Variants in BBS5 observed in about 807,000 individuals in gnomAD.
BBS5 encodes Bardet-Biedl syndrome 5.
In BBS5, 39 loss-of-function variants were observed where a neutral mutation model predicts 50.2. The ratio of observed to expected loss-of-function variants is 0.78; its 90% CI spans 0.60 to 1.01. The LOEUF is 1.01. BBS5 is among the 50% of genes least tolerant of loss of function. The pLI, the probability that BBS5 is intolerant of heterozygous loss-of-function variation, is 0.00. For synonymous variants in BBS5, 134 were observed against 133.1 expected, an observed-to-expected ratio of 1.01 and a Z score of -0.05; for missense variants, 356 against 401.5, an observed-to-expected ratio of 0.89 and a Z score of 0.97.
chr2:169,497,554 T>G (rs1683714804), intron 7 of BBS5, 73 bp from the exon 8 acceptor site: 1 of 934,412 alleles, frequency 1.1e-6, no homozygotes, highest in Admixed American at 1.8e-5. Flanking sequence ...GTGTAAAGTT[T>G]AAAAACTGAG....
Position 169,479,522 on chromosome 2 carries a change from G to A in BBS5, c.-32G>A, listed in dbSNP as rs755016995. ...GAGACGCAGCTAGGCCTGCACGGCT[G>A]TGGAGAGATCCTGCCACGGGCCTTG... On this transcript the variant is annotated 5_prime_UTR_variant, in exon 1 of 12. The change creates a new upstream start codon in the 5' untranslated region. Coordinates refer to ENST00000295240, the MANE Select transcript of BBS5 (RefSeq NM_152384.3). 1 of 1,613,652 alleles carries A rather than the reference G, an allele frequency of 6.2e-7. No individual in the cohort carries two copies. The highest frequency in any genetic ancestry group is 2.2e-5 in the East Asian group (1 of 44,870).
At chr2:169,484,340 G>A (rs895397762) in intron 2 of BBS5, among the ~76,000 whole-genome samples, 3 of 152,134 alleles carry the variant, frequency 2.0e-5, no homozygotes, top group Non-Finnish European at 4.4e-5. Flanking sequence ...CCATGTTCAT[G>A]CCACTGCACT....
At chr2:169,494,944 T>C (rs571538379) in intron 7 of BBS5, among the ~76,000 whole-genome samples, 1 of 152,198 alleles carries the variant, frequency 6.6e-6, no homozygotes, top group Non-Finnish European at 1.5e-5. Flanking sequence ...AGAATAATTC[T>C]TTGCAAAATA....
In BBS5 at chr2:169,505,826, TG is replaced by T. The variant is rs541406715; in HGVS notation, c.*1251del. 8 of 155,694 alleles carry T rather than the reference TG, an allele frequency of 5.1e-5. No homozygotes were observed. The highest frequency in any genetic ancestry group is 1.1e-4 in the Non-Finnish European group (8 of 74,974). 9.6% of individuals were successfully genotyped at this position (155,694 alleles called of 1,614,324 possible). On this transcript the variant is annotated 3_prime_UTR_variant, in exon 12 of 12. Coordinates refer to ENST00000295240, the MANE Select transcript of BBS5 (RefSeq NM_152384.3). ...GCAGCCACCCAGTCCGGGAGGGAGG[TG>T]GGGGGGTCAGTCCCCCGTCCGGCCA...
chr2:169,493,854 G>A lies in BBS5; in HGVS notation c.618+18G>A. ...TGCAAATTGTAAGTACATACATTTT[G>A]ATGACCTTATTTTAATGTAAAATAA... On this transcript the variant is annotated intron_variant, in intron 7 of 11. Transcript: ENST00000295240. 1 of 1,474,130 alleles carries A rather than the reference G, an allele frequency of 6.8e-7. No homozygotes were observed. The highest frequency in any genetic ancestry group is 9.5e-7 in the Non-Finnish European group (1 of 1,054,144). The allele number at this position is 1,474,130 out of a possible 1,614,324, so 91.3% of individuals were successfully genotyped here. A position where few individuals can be genotyped will look rare whatever the true frequency, so the allele number is the denominator to read the frequency against.
At chr2:169,489,200 T>C (rs906299751) in intron 5 of BBS5, among the ~76,000 whole-genome samples, 1 of 151,990 alleles carries the variant, frequency 6.6e-6, no homozygotes. Context: ...GTGGCGCACG[T>C]CTGTAATCCC....
Position 169,487,103 on chromosome 2 carries a change from G to T in BBS5, c.177G>T (p.Trp59Cys), listed in dbSNP as rs767221160. 6.2e-7 allele frequency: 1 copy of T among 1,611,490 alleles called. No homozygotes were observed. Among genetic ancestry groups the T allele is most frequent in the Non-Finnish European group, 8.5e-7 (1 of 1,178,188 alleles). Residue 59 changes from tryptophan to cysteine, a missense_variant, in exon 3 of 12, where the codon TGG (tryptophan) becomes TGT (cysteine). Trp to Cys is a radical substitution (Grantham distance 215). Coordinates refer to ENST00000295240, the MANE Select transcript of BBS5 (RefSeq NM_152384.3). ...TGGTAACAAATTTAAGAATTCTCTG[G>T]CACTCTTTGGCATTATCAAGAGTCA... is the stretch of plus-strand genomic sequence containing the variant. The part of the protein sequence containing the change: ...RLLVTNLRIL[W>C]HSLALSRVNV...
intron 8 of BBS5, chr2:169,499,006 C>T: frequency 6.0e-6 from 1 of 165,912 alleles, no homozygotes; most frequent in South Asian, 1.6e-4. Context: ...AGTTTCTTTC[C>T]TAATTCTTCA....
rs115099722 is a variant in BBS5, at chr2:169,484,879, A to C, written c.143-2190A>C. On this transcript the variant is annotated intron_variant, in intron 2 of 11. Coordinates refer to ENST00000295240, the MANE Select transcript of BBS5 (RefSeq NM_152384.3). ...TTCAGTGTTTGGGAGATTAGTAGAA[A>C]CAGGGACAACTATACTTTGGTATTA... Among the ~76,000 whole-genome samples, 1,031 of 152,360 alleles carry C rather than the reference A, an allele frequency of 6.8e-3. 7 individuals carry two copies. The highest frequency in any genetic ancestry group is 0.023 in the African/African-American group (973 of 41,580).
intron 5 of BBS5, among the ~76,000 whole-genome samples, chr2:169,489,288 C>G (rs1683546572): frequency 6.6e-6 from 1 of 151,906 alleles, no homozygotes; most frequent in Admixed American, 6.6e-5. Flanking sequence ...TGGTGAAACC[C>G]TGCCTCTACT....
intron 3 of BBS5, 75 bp downstream of exon 3, chr2:169,487,209 C>A: frequency 1.1e-6 from 1 of 934,264 alleles, no homozygotes; most frequent in Non-Finnish European, 1.8e-6. Flanking sequence ...CCTTTGATAC[C>A]AAAGAAGTAT....
chr2:169,489,318 C>A (rs1683547818), intron 5 of BBS5, among the ~76,000 whole-genome samples: 1 of 151,870 alleles, frequency 6.6e-6, no homozygotes, highest in African/African-American at 2.4e-5. Flanking sequence ...AAAAAATTAG[C>A]TGAGCATGGT....
intron 8 of BBS5, among the ~76,000 whole-genome samples, chr2:169,498,052 C>CT (rs771380124): frequency 6.6e-6 from 1 of 152,162 alleles, no homozygotes; most frequent in Non-Finnish European, 1.5e-5. Flanking sequence ...AGTTAGGAAC[C>CT]TTGACCATGA....
intron 5 of BBS5, among the ~76,000 whole-genome samples, chr2:169,489,926 G>C (rs1683562578): frequency 8.1e-6 from 1 of 122,770 alleles, no homozygotes; most frequent in African/African-American, 3.3e-5. Flanking sequence ...CCCAGGCTGG[G>C]GTGCAGCTGC....
intron 9 of BBS5, among the ~76,000 whole-genome samples, chr2:169,501,450 C>T (rs1179700787): frequency 6.6e-6 from 1 of 152,158 alleles, no homozygotes; most frequent in Admixed American, 6.5e-5. Context: ...ATAGGGCTAG[C>T]CACGGTGGCT....
At chr2:169,504,016 G>A (rs192760273) in intron 10 of BBS5, among the ~76,000 whole-genome samples, 1 of 151,598 alleles carries the variant, frequency 6.6e-6, no homozygotes, top group Non-Finnish European at 1.5e-5. Flanking sequence ...CCTGTTTCTT[G>A]CCACATGATG....
chr2:169,494,411 G>T (rs1683657178), intron 7 of BBS5, among the ~76,000 whole-genome samples: 1 of 152,148 alleles, frequency 6.6e-6, no homozygotes, highest in Non-Finnish European at 1.5e-5. Flanking sequence ...TTCAGCTTAA[G>T]TTCAATTAAA....
chr2:169,490,405 A>C (rs1297791716), intron 5 of BBS5, among the ~76,000 whole-genome samples: 1 of 151,620 alleles, frequency 6.6e-6, no homozygotes, highest in Non-Finnish European at 1.5e-5. Flanking sequence ...TGTTATAGAG[A>C]CGGGGTTTCA....
At chr2:169,491,921 C>T (rs1683608961) in intron 5 of BBS5, among the ~76,000 whole-genome samples, 1 of 152,038 alleles carries the variant, frequency 6.6e-6, no homozygotes, top group Admixed American at 6.5e-5. Context: ...CTCAGTCTCC[C>T]AAGTAGATGA....
Sources: allele counts gnomAD v4.1 joint callset (sites outside exome capture counted in the v4.1 genomes callset), GRCh38; gene constraint gnomAD v4.1.1; transcripts MANE v1.5; gene names NCBI Gene and HGNC (gene_info 2026-07-23, HGNC 2026-07-21).